ATP8A2: variants seen among roughly 807,000 people sequenced by gnomAD.
The protein encoded by ATP8A2 is phospholipid-transporting ATPase IB.
ATP8A2 carries 100 observed loss-of-function variants against 165.6 expected under a neutral mutation model. The ratio of observed to expected loss-of-function variants is 0.60; its 90% CI spans 0.51 to 0.71. The LOEUF (loss-of-function observed/expected upper bound fraction) is 0.71. Ranked by LOEUF, ATP8A2 falls within the 30% of genes least tolerant of loss-of-function variation. ATP8A2 has a pLI of 0.00. For missense variants in ATP8A2, 1,227 were observed against 1,479.5 expected (o/e 0.83, Z 2.80); for synonymous variants, 543 against 548.8 (o/e 0.99, Z 0.15).
At chr13:25,857,816 C>G (rs1206678204) in intron 30 of ATP8A2, among the ~76,000 whole-genome samples, 1 of 152,018 alleles carries the variant, frequency 6.6e-6, no homozygotes, top group African/African-American at 2.4e-5. Context: ...GGTGATCCAC[C>G]CACCTTGGCC....
chr13:25,587,700 A>G (rs1483017405), intron 23 of ATP8A2, among the ~76,000 whole-genome samples: 1 of 152,200 alleles, frequency 6.6e-6, no homozygotes, highest in Non-Finnish European at 1.5e-5. Context: ...CATAGAGGGA[A>G]ATGATTAAAG....
At chr13:25,847,988 C>T (rs532220984) in intron 30 of ATP8A2, among the ~76,000 whole-genome samples, 18 of 152,164 alleles carry the variant, frequency 1.2e-4, no homozygotes, top group Admixed American at 3.9e-4. Context: ...GAATTACTCC[C>T]ATTGTACAAT....
chr13:25,437,215 T>G (rs140982368), intron 1 of ATP8A2, among the ~76,000 whole-genome samples: 2,081 of 152,346 alleles, frequency 0.014, 51 homozygotes, highest in African/African-American at 0.048. Context: ...TGTCTTCTTT[T>G]GAGAAGTTTC....
intron 27 of ATP8A2, among the ~76,000 whole-genome samples, chr13:25,776,793 G>T (rs1226087754): frequency 6.6e-6 from 1 of 152,148 alleles, no homozygotes; most frequent in Admixed American, 6.5e-5. Context: ...AGCATTTTGT[G>T]CTCCTGTAGC....
intron 2 of ATP8A2, among the ~76,000 whole-genome samples, chr13:25,503,873 GC>G (rs2036937836): frequency 6.6e-6 from 1 of 152,188 alleles, no homozygotes; most frequent in South Asian, 2.1e-4. Context: ...CACACTGGGT[GC>G]AAGATAGCAG....
intron 27 of ATP8A2, among the ~76,000 whole-genome samples, chr13:25,791,452 G>A (rs2045170094): frequency 6.6e-6 from 1 of 151,860 alleles, no homozygotes; most frequent in African/African-American, 2.4e-5. Context: ...ATACCTGGGT[G>A]ATATAATCTG....
At chr13:25,976,621 G>A (rs1030058284) in intron 35 of ATP8A2, among the ~76,000 whole-genome samples, 2 of 152,010 alleles carry the variant, frequency 1.3e-5, no homozygotes, top group Non-Finnish European at 2.9e-5. Context: ...AAGGAAGCTA[G>A]AGAATTGTAG....
At chr13:25,998,453 G>A (rs935398481) in intron 35 of ATP8A2, among the ~76,000 whole-genome samples, 1 of 152,100 alleles carries the variant, frequency 6.6e-6, no homozygotes, top group African/African-American at 2.4e-5. Flanking sequence ...TTTTCTCTGG[G>A]GTATCTGGCT....
intron 33 of ATP8A2, among the ~76,000 whole-genome samples, chr13:25,862,973 G>T (rs1952400368): frequency 6.6e-6 from 1 of 151,996 alleles, no homozygotes; most frequent in Non-Finnish European, 1.5e-5. Flanking sequence ...TATTATCTTT[G>T]TCCAGTGCAT....
At chr13:25,392,104 T>C (rs901818680) in intron 1 of ATP8A2, among the ~76,000 whole-genome samples, 6 of 152,238 alleles carry the variant, frequency 3.9e-5, no homozygotes, top group South Asian at 2.1e-4. Context: ...TCTCCGGGGC[T>C]GACCTCACAC....
chr13:25,898,551 G>C (rs1953637792), intron 33 of ATP8A2, among the ~76,000 whole-genome samples: 1 of 152,242 alleles, frequency 6.6e-6, no homozygotes, highest in Non-Finnish European at 1.5e-5. Context: ...TCTCTTCAAA[G>C]CTGTCAGACA....
At chr13:25,774,755 A>G (rs2044703077) in intron 26 of ATP8A2, 94 bp from the exon 27 acceptor site, 1 of 712,328 alleles carries the variant, frequency 1.4e-6, no homozygotes, top group Non-Finnish European at 2.4e-6. Flanking sequence ...TCCTCTACCT[A>G]CATTATCTGA....
chr13:25,593,853 A>C (rs7335036), intron 24 of ATP8A2, among the ~76,000 whole-genome samples: 24,704 of 152,260 alleles, frequency 0.16, 2,466 homozygotes, highest in Non-Finnish European at 0.24. Flanking sequence ...ATGCTGACTT[A>C]ATAGAATTCC....
rs190945634 is a variant in ATP8A2 at position 25,698,077 on chromosome 13, C to T, written c.2212-1096C>T. ...TTGCATATGAATGTTACTTAATAGTCGTCTTCCAGACAGAATAATTTCAGC... is the reference window on the plus strand; with the variant it reads ...TTGCATATGAATGTTACTTAATAGTTGTCTTCCAGACAGAATAATTTCAGC... On this transcript the variant is annotated intron_variant, in intron 24 of 36. Transcript: ENST00000381655. Among the ~76,000 whole-genome samples the T allele has an allele frequency of 2.8e-3, 434 of 152,298 alleles. 4 individuals are homozygous for T. The highest frequency in any genetic ancestry group is 0.01 in the African/African-American group (418 of 41,564).
intron 23 of ATP8A2, among the ~76,000 whole-genome samples, chr13:25,588,702 G>A (rs1268827791): frequency 1.3e-5 from 2 of 152,202 alleles, no homozygotes. Flanking sequence ...TGTGGAGAAG[G>A]ATTTTTTTCT....
chr13:25,561,987 T>C (rs957633546), intron 15 of ATP8A2, among the ~76,000 whole-genome samples: 1 of 152,260 alleles, frequency 6.6e-6, no homozygotes, highest in African/African-American at 2.4e-5. Flanking sequence ...TGCGATTGCA[T>C]GTATATGCCA....
At chr13:25,492,959 C>T (rs966546803) in intron 2 of ATP8A2, among the ~76,000 whole-genome samples, 12 of 152,250 alleles carry the variant, frequency 7.9e-5, no homozygotes, top group Admixed American at 7.2e-4. Flanking sequence ...TTCCAGGTTT[C>T]CCTTTGTGCT....
intron 25 of ATP8A2, among the ~76,000 whole-genome samples, chr13:25,723,136 A>G (rs2043417582): frequency 6.6e-6 from 1 of 152,266 alleles, no homozygotes; most frequent in African/African-American, 2.4e-5. Flanking sequence ...TGATGTGGCT[A>G]CAAAAATAGT....
chr13:25,762,769 G>T (rs1034086137), intron 25 of ATP8A2, among the ~76,000 whole-genome samples: 2 of 152,156 alleles, frequency 1.3e-5, no homozygotes, highest in African/African-American at 4.8e-5. Context: ...TGTCATCTCT[G>T]TCCTTGTGAA....
Sources: gnomAD v4.1 joint callset for allele counts (sites outside exome capture counted in the v4.1 genomes callset) on GRCh38, gnomAD v4.1.1 for gene constraint, MANE v1.5 for transcripts, NCBI Gene and HGNC (gene_info 2026-07-23, HGNC 2026-07-21) for gene names.